Variants in ADGRB1 observed in about 807,000 individuals in gnomAD.
ADGRB1 encodes the protein adhesion G protein-coupled receptor B1, also known as brain-specific angiogenesis inhibitor 1.
In ADGRB1, 36 loss-of-function variants were observed where a neutral mutation model predicts 175.7. The ratio of observed to expected loss-of-function variants is 0.20; its 90% CI spans 0.16 to 0.27. The LOEUF is 0.27. ADGRB1 is among the 10% of genes least tolerant of loss of function. The probability of loss-of-function intolerance (pLI) is 1.00; values close to 1 mark genes in which losing one functional copy is unlikely to be tolerated. For synonymous variants in ADGRB1, 1,054 were observed against 979.4 expected (o/e 1.08, Z -1.42); for missense variants, 1,731 against 2,255.3 (o/e 0.77, Z 4.71).
chr8:142,459,533 C>G (rs1469695598), intron 1 of ADGRB1, among the ~76,000 whole-genome samples: 1 of 152,206 alleles, frequency 6.6e-6, no homozygotes, highest in Non-Finnish European at 1.5e-5. Flanking sequence ...ACACCCTCCT[C>G]TCCCAGCCCC....
chr8:142,465,526 T>C (rs141299291), intron 2 of ADGRB1, among the ~76,000 whole-genome samples: 37 of 151,940 alleles, frequency 2.4e-4, no homozygotes, highest in African/African-American at 8.7e-4. Flanking sequence ...GGGTTGAGTA[T>C]GCTCTCGGTG....
At chr8:142,479,881 G>A in intron 9 of ADGRB1, 87 bp downstream of exon 9, 1 of 1,401,902 alleles carries the variant, frequency 7.1e-7, no homozygotes, top group Non-Finnish European at 9.7e-7. Flanking sequence ...AGCACTGGGA[G>A]GCGGCCCAGA....
At chr8:142,530,151 G>A (rs1412598732) in intron 24 of ADGRB1, among the ~76,000 whole-genome samples, 1 of 152,084 alleles carries the variant, frequency 6.6e-6, no homozygotes, top group Non-Finnish European at 1.5e-5. Flanking sequence ...AATTGGGCAT[G>A]TGCCTGTGTG....
chr8:142,512,827 G>C (rs1371722134), intron 18 of ADGRB1, among the ~76,000 whole-genome samples: 2 of 152,220 alleles, frequency 1.3e-5, no homozygotes, highest in Non-Finnish European at 2.9e-5. Context: ...TGTTCAGAGA[G>C]GGGCAGGTAC....
chr8:142,502,236 GTGA>G (rs1234746953), intron 17 of ADGRB1, among the ~76,000 whole-genome samples: 19 of 147,172 alleles, frequency 1.3e-4, no homozygotes, highest in East Asian at 2.0e-4. Flanking sequence ...AGTGGTGATG[GTGA>G]TGGTGGTGGT....
At position 142,464,813 on chromosome 8, in the gene ADGRB1, C is replaced by G. The variant is rs1840170382; in HGVS notation, c.615C>G (p.Pro205=). The change falls in exon 2 of 31, where the codon CCC becomes CCG. Residue 205 remains proline, a synonymous_variant. Transcript: ENST00000517894. ...ACLAGSRSSH[P]CGIMQTPCAC... is the part of the protein sequence containing the mutation. Reference sequence around the variant, plus strand: ...TGGCCGGTAGTCGCAGCTCGCACCCCTGCGGGATCATGCAGACCCCCTGCG... The same window carrying G: ...TGGCCGGTAGTCGCAGCTCGCACCCGTGCGGGATCATGCAGACCCCCTGCG... 1 of 1,534,750 alleles carries G rather than the reference C, an allele frequency of 6.5e-7. No homozygotes were observed. The highest frequency in any genetic ancestry group is 2.0e-5 in the Admixed American group (1 of 50,794).
At chr8:142,495,157 G>T (rs1842154536) in intron 17 of ADGRB1, among the ~76,000 whole-genome samples, 1 of 152,184 alleles carries the variant, frequency 6.6e-6, no homozygotes. Flanking sequence ...GTGGACAAGC[G>T]GGGGTGTGGA....
At chr8:142,452,896 C>A (rs1395507235) in intron 1 of ADGRB1, among the ~76,000 whole-genome samples, 1 of 148,954 alleles carries the variant, frequency 6.7e-6, no homozygotes, top group African/African-American at 2.4e-5. Context: ...AGGGCCGGCG[C>A]GCTGCCGCTG....
intron 13 of ADGRB1, among the ~76,000 whole-genome samples, chr8:142,487,216 G>T (rs980948686): frequency 1.3e-5 from 2 of 151,972 alleles, no homozygotes; most frequent in Admixed American, 6.6e-5. Context: ...ACCGCCCCTC[G>T]ATGACCCTGT....
intron 24 of ADGRB1, among the ~76,000 whole-genome samples, chr8:142,529,203 T>C (rs1266859546): frequency 6.6e-6 from 1 of 151,750 alleles, no homozygotes; most frequent in Non-Finnish European, 1.5e-5. Flanking sequence ...GGTGTGTGCA[T>C]GTGTGTGAGT....
chr8:142,488,844 G>T (rs1841834861), intron 14 of ADGRB1, among the ~76,000 whole-genome samples, 191 bp from the exon 15 acceptor site: 1 of 152,206 alleles, frequency 6.6e-6, no homozygotes, highest in African/African-American at 2.4e-5. Context: ...TTCCCACGTG[G>T]CTGTTGCCCC....
chr8:142,542,773 C>A lies in ADGRB1; in HGVS notation c.4413+126C>A, dbSNP rs1845358715. The A allele has an allele frequency of 3.6e-6, 3 of 839,698 alleles. No individual in the cohort carries two copies. Among genetic ancestry groups the A allele is most frequent in the Non-Finnish European group, 3.5e-6 (2 of 567,492 alleles). 52.0% of individuals were successfully genotyped at this position (839,698 alleles called of 1,614,324 possible). On this transcript the variant is annotated intron_variant, in intron 28 of 30. Transcript: ENST00000517894. The surrounding 1 kb of genome is among the most constrained non-coding windows in gnomAD (Gnocchi z 6.3). ...GGGCTGGCTCTGCCTCCTAGCTACA[C>A]CCCCCACCCCTGGCCCTGCTGGGTG... is the stretch of plus-strand genomic sequence containing the variant.
In ADGRB1 at chr8:142,478,189, C is replaced by G; in HGVS notation, c.1390C>G (p.Arg464Gly). Residue 464 changes from arginine to glycine, a missense_variant and splice_region_variant, in exon 7 of 31, where the codon CGG becomes GGG. Around this residue, in one of 8 missense-constraint regions of ADGRB1, gnomAD observed 388 missense variants for 630.9 expected, o/e 0.61. Coordinates refer to ENST00000517894, the MANE Select transcript of ADGRB1 (RefSeq NM_001702.3). ...KFCNIALCPG[R>G]AVDGNWNEWS... is the part of the protein sequence containing the mutation. ...TTTGTGTCTCCTTCCTCCCCCGGGC[C>G]GGGCAGTGGATGGAAACTGGAATGA... is the stretch of plus-strand genomic sequence containing the variant. 6.2e-7 allele frequency: 1 copy of G among 1,603,024 alleles called. No individual in the cohort carries two copies. The highest frequency in any genetic ancestry group is 2.3e-5 in the East Asian group (1 of 44,384).
At chr8:142,516,793 G>C (rs750867165) in intron 18 of ADGRB1, among the ~76,000 whole-genome samples, 1 of 152,114 alleles carries the variant, frequency 6.6e-6, no homozygotes, top group Non-Finnish European at 1.5e-5. Flanking sequence ...ACCACCCCGA[G>C]GACAAGTCAG....
chr8:142,521,656 C>A (rs1428134720), intron 20 of ADGRB1, among the ~76,000 whole-genome samples: 1 of 152,246 alleles, frequency 6.6e-6, no homozygotes, highest in Non-Finnish European at 1.5e-5. Flanking sequence ...GGCTTACTAC[C>A]TCCTGAACGC....
intron 1 of ADGRB1, among the ~76,000 whole-genome samples, chr8:142,454,430 G>A (rs114765211): frequency 7.2e-4 from 110 of 152,306 alleles, no homozygotes; most frequent in African/African-American, 2.1e-3. Flanking sequence ...CGAGCACACC[G>A]TGAGGTGCAC....
At chr8:142,539,700 G>A (rs1196473770) in intron 27 of ADGRB1, 5 of 549,702 alleles carry the variant, frequency 9.1e-6, no homozygotes, top group South Asian at 4.5e-5. Context: ...CCTGTGGAGC[G>A]CCTGGCTGCG....
At chr8:142,483,829 C>A in intron 11 of ADGRB1, 148 bp from the exon 12 acceptor site, 2 of 817,006 alleles carry the variant, frequency 2.4e-6, no homozygotes, top group Non-Finnish European at 2.0e-6. Flanking sequence ...TCACAGTGAG[C>A]TCTGACCCTG....
chr8:142,518,706 G>A (rs1250203940), intron 19 of ADGRB1, among the ~76,000 whole-genome samples: 1 of 152,246 alleles, frequency 6.6e-6, no homozygotes, highest in African/African-American at 2.4e-5. Context: ...GGGCCACCCA[G>A]GCAGGTGTGG....
Sources: gnomAD v4.1 joint callset for allele counts (sites outside exome capture counted in the v4.1 genomes callset) on GRCh38, gnomAD v4.1.1 for gene constraint, gnomAD v4.1.1 regional missense constraint, Gnocchi (gnomAD v3.1) non-coding constraint, MANE v1.5 for transcripts, NCBI Gene and HGNC (gene_info 2026-07-23, HGNC 2026-07-21) for gene names.